The following FAM13A variants were observed in gnomAD, a reference collection of about 807,000 sequenced individuals.
FAM13A encodes the protein family with sequence similarity 13 member A.
Under a neutral mutation model 129.6 loss-of-function variants are expected in FAM13A, and 76 were observed. The ratio of observed to expected loss-of-function variants is 0.59; its 90% CI spans 0.49 to 0.71. The LOEUF (loss-of-function observed/expected upper bound fraction) is 0.71, where lower values mean the gene tolerates loss of function less well. Ranked by LOEUF, FAM13A falls within the 30% of genes least tolerant of loss-of-function variation. FAM13A has a pLI of 0.00. For missense variants in FAM13A, 1,108 were observed against 1,249.3 expected (o/e 0.89, Z 1.70); for synonymous variants, 443 against 449.9 (o/e 0.98, Z 0.20).
intron 4 of FAM13A, among the ~76,000 whole-genome samples, chr4:88,980,274 A>AT: frequency 6.6e-6 from 1 of 152,208 alleles, no homozygotes; most frequent in Admixed American, 6.5e-5. Flanking sequence ...CCAGGGATTA[A>AT]GTCTGGTTAG....
At chr4:88,843,059 T>A (rs1271384222) in intron 7 of FAM13A, among the ~76,000 whole-genome samples, 1 of 152,218 alleles carries the variant, frequency 6.6e-6, no homozygotes, top group Non-Finnish European at 1.5e-5. Context: ...TATTTTTTCA[T>A]GGGAGCTAGT....
chr4:88,888,534 A>G (rs1320598983), intron 6 of FAM13A, among the ~76,000 whole-genome samples: 2 of 152,176 alleles, frequency 1.3e-5, no homozygotes, highest in Non-Finnish European at 2.9e-5. Context: ...CCTTCAAGCC[A>G]CAACAAACCA....
At chr4:88,936,323 G>A (rs932630392) in intron 5 of FAM13A, 1 of 152,494 alleles carries the variant, frequency 6.6e-6, no homozygotes, top group Non-Finnish European at 1.5e-5. Flanking sequence ...CAGTTCAGCA[G>A]GCCATACAGA....
At chr4:89,006,922 G>A (rs6818212) in intron 3 of FAM13A, among the ~76,000 whole-genome samples, 8,568 of 152,024 alleles carry the variant, frequency 0.056, 799 homozygotes, top group African/African-American at 0.19. Flanking sequence ...TTCTCCTCTC[G>A]ACATTCAACC....
At chr4:88,977,691 T>C (rs944823041) in intron 4 of FAM13A, among the ~76,000 whole-genome samples, 2 of 152,160 alleles carry the variant, frequency 1.3e-5, no homozygotes, top group Admixed American at 6.5e-5. Flanking sequence ...TATTCTACTA[T>C]CTCCTTTTCA....
intron 3 of FAM13A, among the ~76,000 whole-genome samples, chr4:88,997,172 C>T (rs1351452954): frequency 6.6e-6 from 1 of 152,170 alleles, no homozygotes; most frequent in African/African-American, 2.4e-5. Flanking sequence ...ATGTTAACTG[C>T]TTTAAACTTG....
chr4:88,805,672 AT>A (rs34154818), intron 7 of FAM13A, among the ~76,000 whole-genome samples: 14 of 149,202 alleles, frequency 9.4e-5, no homozygotes, highest in South Asian at 2.1e-4. Flanking sequence ...TTGAAAGTTA[AT>A]TTTTTTTTTT....
At chr4:88,954,086 T>C (rs1757361989) in intron 4 of FAM13A, among the ~76,000 whole-genome samples, 1 of 152,228 alleles carries the variant, frequency 6.6e-6, no homozygotes, top group Admixed American at 6.5e-5. Flanking sequence ...TTAGACTCCA[T>C]GAATTCAGTT....
intron 7 of FAM13A, among the ~76,000 whole-genome samples, chr4:88,810,532 G>A (rs1329541773): frequency 6.6e-6 from 1 of 152,112 alleles, no homozygotes; most frequent in Non-Finnish European, 1.5e-5. Flanking sequence ...CCAAGCAACG[G>A]AACTATTTGA....
At chr4:88,846,099 G>A (rs902222697) in intron 7 of FAM13A, among the ~76,000 whole-genome samples, 3 of 151,980 alleles carry the variant, frequency 2.0e-5, no homozygotes, top group African/African-American at 4.8e-5. Flanking sequence ...TGAGACAACC[G>A]AGTACAAAAC....
intron 3 of FAM13A, among the ~76,000 whole-genome samples, chr4:88,995,949 G>C (rs1421679260): frequency 3.3e-5 from 5 of 152,338 alleles, no homozygotes; most frequent in Admixed American, 3.3e-4. Flanking sequence ...GAGTAAAGCA[G>C]AGTGATGTCA....
rs2149362853 is a variant in FAM13A, at chr4:88,726,014, T to G, written c.*2519A>C. The G allele has an allele frequency of 6.6e-6, 1 of 152,368 alleles. No individual in the cohort carries two copies. 9.4% of individuals were successfully genotyped at this position (152,368 alleles called of 1,614,324 possible). ...TTTACTTACACTTATGAAATAACTC[T>G]TGACATTTATTTTGTTGGCATGTGC... On this transcript the variant is annotated 3_prime_UTR_variant, in exon 24 of 24. Coordinates refer to ENST00000264344, the MANE Select transcript of FAM13A (RefSeq NM_014883.4).
At position 88,768,124 on chromosome 4, in the gene FAM13A, T is replaced by C. The variant is rs115621477; in HGVS notation, c.1459-65A>G. 24 of 847,592 alleles carry C rather than the reference T, an allele frequency of 2.8e-5. No individual in the cohort carries two copies. The African/African-American group carries it at 4.1e-4, about 14-fold the overall frequency. The allele number at this position is 847,592 out of a possible 1,614,324, so 52.5% of individuals were successfully genotyped here. A position where few individuals can be genotyped will look rare whatever the true frequency, so the allele number is the denominator to read the frequency against. On this transcript the variant is annotated intron_variant, in intron 11 of 23. Coordinates refer to ENST00000264344, the MANE Select transcript of FAM13A (RefSeq NM_014883.4). ...AAGAAATATGCAACGCAGACCCTCC[T>C]TTCTTTAAAATAGAAAAATCAAATA...
At position 88,938,216 on chromosome 4, in the gene FAM13A, T is replaced by G; in HGVS notation, c.631A>C (p.Lys211Gln). The change falls in exon 5 of 24, where the codon AAG becomes CAG. Residue 211 changes from lysine to glutamine, a missense_variant. Transcript: ENST00000264344. The part of the protein sequence containing the change: ...FHVPPGLEGM[K>Q]EQDLCNKIMA... Reference sequence around the variant, plus strand: ...ATCTTGTTGCACAGGTCCTGTTCCTTCATGCCTTCAAGCCCAGGTGGCACA... The same window carrying G: ...ATCTTGTTGCACAGGTCCTGTTCCTGCATGCCTTCAAGCCCAGGTGGCACA... 1 of 1,609,896 alleles carries G rather than the reference T, an allele frequency of 6.2e-7. No individual in the cohort carries two copies. Among genetic ancestry groups the G allele is most frequent in the South Asian group, 1.1e-5 (1 of 89,776 alleles).
chr4:88,784,069 T>A (rs1352627135), intron 10 of FAM13A, among the ~76,000 whole-genome samples: 2 of 152,216 alleles, frequency 1.3e-5, no homozygotes, highest in African/African-American at 4.8e-5. Context: ...TCATTTTGAA[T>A]AGTGAATGAA....
intron 1 of FAM13A, among the ~76,000 whole-genome samples, chr4:89,042,207 T>C (rs1479934303): frequency 6.6e-6 from 1 of 151,992 alleles, no homozygotes; most frequent in African/African-American, 2.4e-5. Context: ...ACAGATACAA[T>C]GACCAATAGC....
At chr4:88,841,718 C>T (rs1362459212) in intron 7 of FAM13A, among the ~76,000 whole-genome samples, 3 of 152,054 alleles carry the variant, frequency 2.0e-5, no homozygotes, top group African/African-American at 7.2e-5. Context: ...AATGAGACAT[C>T]GCTTCACATC....
At chr4:88,964,232 C>G (rs550357006) in intron 4 of FAM13A, among the ~76,000 whole-genome samples, 1 of 152,310 alleles carries the variant, frequency 6.6e-6, no homozygotes, top group East Asian at 1.9e-4. Context: ...ATTTACCAAA[C>G]ACTTATTGCT....
At chr4:88,827,446 A>C (rs1404763792) in intron 7 of FAM13A, among the ~76,000 whole-genome samples, 1 of 152,194 alleles carries the variant, frequency 6.6e-6, no homozygotes, top group Non-Finnish European at 1.5e-5. Context: ...GGCTGCTCTG[A>C]GGAATAAATG....
Sources: allele counts gnomAD v4.1 joint callset (sites outside exome capture counted in the v4.1 genomes callset), GRCh38; gene constraint gnomAD v4.1.1; transcripts MANE v1.5; gene names NCBI Gene and HGNC (gene_info 2026-07-23, HGNC 2026-07-21).